Variants in TRPM3 observed in about 807,000 individuals in gnomAD.
The protein encoded by TRPM3 is transient receptor potential cation channel subfamily M member 3.
In TRPM3, 77 loss-of-function variants were observed where a neutral mutation model predicts 181.2. The ratio of observed to expected loss-of-function variants is 0.42; its 90% CI spans 0.35 to 0.51. The LOEUF is 0.51. Ranked by LOEUF, TRPM3 falls within the 20% of genes least tolerant of loss-of-function variation. TRPM3 has a pLI of 0.01. For synonymous variants in TRPM3, 745 were observed against 796.4 expected (o/e 0.94, Z 1.09); for missense variants, 1,759 against 2,196.7 (o/e 0.80, Z 3.98).
chr9:71,245,775 A>T (rs2082001846), intron 1 of TRPM3, among the ~76,000 whole-genome samples: 1 of 152,174 alleles, frequency 6.6e-6, no homozygotes, highest in African/African-American at 2.4e-5. Context: ...TCATGATTTG[A>T]ATGTGGATAA....
At chr9:71,400,572 T>C (rs986808975) in intron 1 of TRPM3, among the ~76,000 whole-genome samples, 1 of 152,168 alleles carries the variant, frequency 6.6e-6, no homozygotes, top group Non-Finnish European at 1.5e-5. Flanking sequence ...AGAAAGTATT[T>C]TTATTCTTTA....
At chr9:70,818,838 T>C (rs2092919210) in intron 6 of TRPM3, among the ~76,000 whole-genome samples, 2 of 152,284 alleles carry the variant, frequency 1.3e-5, no homozygotes, top group South Asian at 4.2e-4. Context: ...GCAAGTGAAA[T>C]TAGATATGAG....
At chr9:70,930,251 C>G (rs1439582930) in intron 1 of TRPM3, among the ~76,000 whole-genome samples, 1 of 152,144 alleles carries the variant, frequency 6.6e-6, no homozygotes, top group Non-Finnish European at 1.5e-5. Context: ...TTGCCTTACA[C>G]TAAGAGCATG....
intron 7 of TRPM3, among the ~76,000 whole-genome samples, chr9:70,764,203 T>C (rs777358933): frequency 1.3e-5 from 2 of 152,188 alleles, no homozygotes; most frequent in Non-Finnish European, 2.9e-5. Flanking sequence ...ATTAATTTTC[T>C]TGAAAAGTAA....
chr9:71,000,483 G>A (rs939333856), intron 1 of TRPM3, among the ~76,000 whole-genome samples: 3 of 152,190 alleles, frequency 2.0e-5, no homozygotes, highest in Admixed American at 1.3e-4. Flanking sequence ...AAGTGTTAAC[G>A]TATATATAAA....
chr9:70,960,513 A>C (rs943605123), intron 1 of TRPM3, among the ~76,000 whole-genome samples: 5 of 152,164 alleles, frequency 3.3e-5, no homozygotes, highest in Non-Finnish European at 5.9e-5. Flanking sequence ...CCCTCTGAAT[A>C]TTGGTATTTT....
intron 22 of TRPM3, among the ~76,000 whole-genome samples, chr9:70,574,090 GCGCACACA>G (rs1403382834): frequency 7.0e-6 from 1 of 143,262 alleles, no homozygotes; most frequent in Non-Finnish European, 1.5e-5. Context: ...ACACACGCGC[GCGCACACA>G]CACACACACA....
intron 1 of TRPM3, among the ~76,000 whole-genome samples, chr9:71,297,920 A>G (rs1222642996): frequency 6.6e-6 from 1 of 152,170 alleles, no homozygotes; most frequent in Admixed American, 6.5e-5. Context: ...ATAAAAGGTG[A>G]ACGGCTCATA....
intron 1 of TRPM3, among the ~76,000 whole-genome samples, chr9:70,988,373 T>G (rs927624300): frequency 6.6e-6 from 1 of 152,216 alleles, no homozygotes; most frequent in Non-Finnish European, 1.5e-5. Flanking sequence ...TTGTCTCACC[T>G]GTAAAATGGA....
chr9:70,586,967 A>T (rs750487686), intron 22 of TRPM3, among the ~76,000 whole-genome samples: 1 of 152,198 alleles, frequency 6.6e-6, no homozygotes, highest in Non-Finnish European at 1.5e-5. Context: ...TTCAGTCAAC[A>T]TCACAGAGAC....
intron 9 of TRPM3, among the ~76,000 whole-genome samples, chr9:70,676,995 C>G (rs899312606): frequency 2.2e-5 from 3 of 138,222 alleles, no homozygotes; most frequent in African/African-American, 8.0e-5. Flanking sequence ...CTGGCCATAA[C>G]GAAATTAATA....
intron 1 of TRPM3, among the ~76,000 whole-genome samples, chr9:71,105,726 G>T (rs2069369403): frequency 6.6e-6 from 1 of 152,176 alleles, no homozygotes; most frequent in African/African-American, 2.4e-5. Context: ...CTAGCCCTAG[G>T]AGAGGCGTTC....
intron 22 of TRPM3, 59 bp from the exon 23 acceptor site, chr9:70,553,369 T>A (rs2046898292): frequency 1.9e-6 from 3 of 1,582,336 alleles, no homozygotes; most frequent in Middle Eastern, 3.4e-4. Flanking sequence ...AGAAAAAAAA[T>A]AAAAAGATGG....
chr9:71,137,644 A>C (rs762475112), intron 1 of TRPM3, among the ~76,000 whole-genome samples: 2 of 152,166 alleles, frequency 1.3e-5, no homozygotes, highest in African/African-American at 2.4e-5. Context: ...CATGACTTTG[A>C]ACTTTAACCC....
Position 71,099,610 on chromosome 9 carries a change from C to T in TRPM3, c.177+21568G>A, listed in dbSNP as rs771602953. On this transcript the variant is annotated intron_variant, in intron 1 of 25. Transcript: ENST00000677713. ...TTGTGATTTTACCTTTAGATGGGTT[C>T]CCCCCCTCAAAAAACCTGGGGCAAG... Among the ~76,000 whole-genome samples, 22 of 151,914 alleles carry T rather than the reference C, an allele frequency of 1.4e-4. No homozygotes were observed. The Middle Eastern group carries it at 0.01, about 70-fold the overall frequency.
intron 6 of TRPM3, among the ~76,000 whole-genome samples, chr9:70,794,542 G>A (rs549340362): frequency 6.6e-6 from 1 of 152,156 alleles, no homozygotes; most frequent in South Asian, 2.1e-4. Context: ...CTGCACTCTG[G>A]AAGCCTTGGC....
intron 1 of TRPM3, among the ~76,000 whole-genome samples, chr9:71,406,888 A>G (rs967882235): frequency 2.6e-5 from 4 of 152,162 alleles, no homozygotes; most frequent in Non-Finnish European, 4.4e-5. Context: ...AGCAGTGATC[A>G]GGCTTAATAT....
chr9:70,739,990 G>A (rs2073683318), intron 8 of TRPM3, among the ~76,000 whole-genome samples: 1 of 152,072 alleles, frequency 6.6e-6, no homozygotes, highest in South Asian at 2.1e-4. Context: ...ACAAGAGAAG[G>A]AAATAAAGGG....
Position 70,530,650 on chromosome 9 carries a change from AG to A in TRPM3, c.*5302del, listed in dbSNP as rs1336892247. 25 of 152,342 alleles carry A rather than the reference AG, an allele frequency of 1.6e-4. No homozygotes were observed. Among genetic ancestry groups the A allele is most frequent in the African/African-American group, 6.0e-4 (25 of 41,580 alleles). The allele number at this position is 152,342 out of a possible 1,614,324, so 9.4% of individuals were successfully genotyped here. A position where few individuals can be genotyped will look rare whatever the true frequency, so the allele number is the denominator to read the frequency against. On this transcript the variant is annotated 3_prime_UTR_variant, in exon 26 of 26. Transcript: ENST00000677713. ...CACGTTGCTTTCATTAGCAGTGATG[AG>A]TGCAAGGAAATCATCAGAGAAAAGG...
Sources: allele counts gnomAD v4.1 joint callset (sites outside exome capture counted in the v4.1 genomes callset), GRCh38; gene constraint gnomAD v4.1.1; transcripts MANE v1.5; gene names NCBI Gene and HGNC (gene_info 2026-07-23, HGNC 2026-07-21).